Variants in FLNC observed in about 807,000 individuals in gnomAD.
FLNC encodes the protein filamin-C.
Under a neutral mutation model 254.3 loss-of-function variants are expected in FLNC, and 91 were observed. The ratio of observed to expected loss-of-function variants is 0.36; its 90% confidence interval spans 0.30 to 0.43. The LOEUF is 0.43. Among genes scored for constraint, FLNC ranks in the 20% least tolerant of loss-of-function variants. The pLI, the probability that FLNC is intolerant of heterozygous loss-of-function variation, is 1.00. For missense variants in FLNC, 2,853 were observed against 3,802.6 expected (o/e 0.75, Z 6.57); for synonymous variants, 1,430 against 1,577.2 (o/e 0.91, Z 2.21).
Position 128,849,548 on chromosome 7 carries a change from G to A in FLNC, c.5169G>A (p.Glu1723=), listed in dbSNP as rs1386127990. 6.2e-7 allele frequency: 1 copy of A among 1,613,994 alleles called. No individual in the cohort carries two copies. Among genetic ancestry groups the A allele is most frequent in the Non-Finnish European group, 8.5e-7 (1 of 1,180,038 alleles). The change falls in exon 30 of 48, where the codon GAG becomes GAA. Residue 1723 remains glutamate, a synonymous_variant. Coordinates refer to ENST00000325888, the MANE Select transcript of FLNC (RefSeq NM_001458.5). The stretch of plus-strand genomic sequence containing the variant: ...TCATCACCATCCGCTTCGGGGGTGA[G>A]CACATCCCCAACAGCCCCTTCCACG... ...KYVITIRFGG[E]HIPNSPFHVL... is the part of the protein sequence containing the mutation.
chr7:128,840,647 C>A lies in FLNC; in HGVS notation c.1649C>A (p.Thr550Lys), dbSNP rs779802575. 6.2e-7 allele frequency: 1 copy of A among 1,614,202 alleles called. No individual in the cohort carries two copies. Among genetic ancestry groups the A allele is most frequent in the Admixed American group, 1.7e-5 (1 of 60,030 alleles). Residue 550 changes from threonine (T) to lysine (K), a missense_variant, in exon 10 of 48, where the codon ACG (threonine) becomes AAG (lysine). Physicochemically the swap from Thr to Lys is moderately conservative, Grantham distance 78. Around this residue, in one of 10 missense-constraint regions of FLNC, gnomAD observed 1,573 missense variants for 1,883.5 expected, o/e 0.84. Coordinates refer to ENST00000325888, the MANE Select transcript of FLNC (RefSeq NM_001458.5). The stretch of plus-strand genomic sequence containing the variant: ...CCTGGGAAGTATGTGGTGACCATCA[C>A]GTGGGGCGGCTACGCCATCCCTCGC... ...VVPGKYVVTI[T>K]WGGYAIPRSP...
rs760318519 is a variant in FLNC at position 128,830,674 on chromosome 7, G to A, written c.37G>A (p.Gly13Ser). Residue 13 changes from glycine (G) to serine (S), a missense_variant, in exon 1 of 48, where the codon GGC becomes AGC. Around this residue, in one of 10 missense-constraint regions of FLNC, gnomAD observed 37 missense variants for 32.7 expected, o/e 1.13. Transcript: ENST00000325888. The stretch of plus-strand genomic sequence containing the variant: ...CAGCGGCTACTCAGACGCCGGCCTC[G>A]GCCTGGGCGATGAGACAGACGAGAT... The part of the protein sequence containing the change: ...NNSGYSDAGL[G>S]LGDETDEMPS... 1 of 1,612,654 alleles carries A rather than the reference G, an allele frequency of 6.2e-7. No individual in the cohort carries two copies.
In FLNC at chr7:128,841,508, G is replaced by C. The variant is rs774194364; in HGVS notation, c.2062G>C (p.Ala688Pro). The change falls in exon 13 of 48, where the codon GCT becomes CCT. Residue 688 changes from alanine to proline, a missense_variant. Ala to Pro is a conservative substitution (Grantham distance 27, BLOSUM62 -1). This residue lies in a region of FLNC where 1,573 missense variants were observed against 1,883.5 expected (regional missense o/e 0.84). Transcript: ENST00000325888. This position sits in a 1 kb window ranked among gnomAD's most constrained non-coding sequence, Gnocchi z 4.3. The stretch of plus-strand genomic sequence containing the variant: ...TACCGGCTGCATCGTGGACAAGCCC[G>C]CTGAGTTCACCATTGATGCTCGTGC... ...EPTGCIVDKP[A>P]EFTIDARAAG... The C allele has an allele frequency of 1.2e-6, 2 of 1,614,010 alleles. No homozygotes were observed. The highest frequency in any genetic ancestry group is 2.7e-5 in the African/African-American group (2 of 74,950).
rs552663569 is a variant in FLNC, at chr7:128,838,320, C to T, written c.1101C>T (p.Asn367=). 6 of 1,613,996 alleles carry T rather than the reference C, an allele frequency of 3.7e-6. No individual in the cohort carries two copies. Among genetic ancestry groups the T allele is most frequent in the South Asian group, 2.2e-5 (2 of 91,082 alleles). ...QNIERSPFEV[N]VGMALGDANK... ...TTGAACGCAGTCCCTTTGAGGTGAA[C>T]GTGGGCATGGCCCTGGGAGATGCCA... is the stretch of plus-strand genomic sequence containing the variant. The change falls in exon 7 of 48, where the codon AAC becomes AAT. Residue 367 remains asparagine, a synonymous_variant. Coordinates refer to ENST00000325888, the MANE Select transcript of FLNC (RefSeq NM_001458.5).
chr7:128,849,081 G>T, intron 28 of FLNC, 99 bp downstream of exon 28: 1 of 1,588,670 alleles, frequency 6.3e-7, no homozygotes, highest in East Asian at 2.2e-5. Context: ...TGGTCGGAGA[G>T]CACACATGCC....
At position 128,852,709 on chromosome 7, in the gene FLNC, C is replaced by T. The variant is rs747515045; in HGVS notation, c.5961C>T (p.Asn1987=). ...CCAGCATCCGTGCCCCCTCGGGCAACGAGGAGCCCTGCCTGCTGAAGCGCC... is the reference window on the plus strand; with the variant it reads ...CCAGCATCCGTGCCCCCTCGGGCAATGAGGAGCCCTGCCTGCTGAAGCGCC... ...LTASIRAPSG[N]EEPCLLKRLP... The change falls in exon 36 of 48, where the codon AAC becomes AAT. Residue 1987 remains asparagine (N), a synonymous_variant. Transcript: ENST00000325888. 25 of 1,613,118 alleles carry T rather than the reference C, an allele frequency of 1.5e-5. No individual in the cohort carries two copies. The highest frequency in any genetic ancestry group is 2.7e-5 in the African/African-American group (2 of 74,928).
intron 1 of FLNC, among the ~76,000 whole-genome samples, chr7:128,833,301 C>T (rs1002269359): frequency 6.6e-6 from 1 of 152,234 alleles, no homozygotes; most frequent in Admixed American, 6.5e-5. Flanking sequence ...AGGCCCAGCC[C>T]TCTCCTCCCC....
At chr7:128,843,707 G>A (rs1198070401) in intron 18 of FLNC, 89 bp from the exon 19 acceptor site, 2 of 1,494,694 alleles carry the variant, frequency 1.3e-6, no homozygotes, top group East Asian at 4.5e-5. Context: ...CTCTCATGGT[G>A]GATCTGAGCT....
intron 35 of FLNC, 98 bp from the exon 36 acceptor site, chr7:128,852,493 T>C: frequency 7.1e-7 from 1 of 1,407,978 alleles, no homozygotes; most frequent in Non-Finnish European, 1.0e-6. Flanking sequence ...CCCGTGTCTG[T>C]TGAGTCCAGG....
In FLNC at chr7:128,849,499, C is replaced by T; in HGVS notation, c.5120C>T (p.Thr1707Ile). Residue 1707 changes from threonine to isoleucine, a missense_variant, in exon 30 of 48, where the codon ACA (threonine) becomes ATA (isoleucine). Thr to Ile is a moderately conservative substitution (Grantham distance 89, BLOSUM62 -1). Around this residue, in one of 10 missense-constraint regions of FLNC, gnomAD observed 258 missense variants for 312.3 expected, o/e 0.83. Transcript: ENST00000325888. Reference protein sequence around the residue: ...NHDGTFDIYYTAPEPGKYVIT... With the variant: ...NHDGTFDIYYIAPEPGKYVIT... ...GACGGTACCTTTGACATCTACTACA[C>T]AGCGCCCGAGCCGGGCAAGTACGTC... The T allele has an allele frequency of 2.5e-6, 4 of 1,614,222 alleles. No individual in the cohort carries two copies. Among genetic ancestry groups the T allele is most frequent in the Non-Finnish European group, 3.4e-6 (4 of 1,180,032 alleles).
Position 128,841,491 on chromosome 7 carries a change from G to A in FLNC, c.2045G>A (p.Cys682Tyr), listed in dbSNP as rs756904288. The A allele has an allele frequency of 1.2e-6, 2 of 1,614,180 alleles. No individual in the cohort carries two copies. The highest frequency in any genetic ancestry group is 2.2e-5 in the East Asian group (1 of 44,888). The change falls in exon 13 of 48, where the codon TGC (cysteine) becomes TAC (tyrosine). Residue 682 changes from cysteine (C) to tyrosine (Y), a missense_variant. Cys to Tyr is a radical substitution (Grantham distance 194). This residue lies in a region of FLNC where 1,573 missense variants were observed against 1,883.5 expected (regional missense o/e 0.84). Transcript: ENST00000325888. The surrounding 1 kb of genome is among the most constrained non-coding windows in gnomAD (Gnocchi z 4.3). ...AFGPGLEPTG[C>Y]IVDKPAEFTI... ...GGGCCTGGCCTGGAGCCTACCGGCTGCATCGTGGACAAGCCCGCTGAGTTC... is the reference window on the plus strand; with the variant it reads ...GGGCCTGGCCTGGAGCCTACCGGCTACATCGTGGACAAGCCCGCTGAGTTC...
chr7:128,845,083 C>T lies in FLNC; in HGVS notation c.3618C>T (p.Asn1206=), dbSNP rs1039623010. The part of the protein sequence containing the change: ...AGVKAEVLIH[N]NADGTYHITY... ...TCAAGGCCGAGGTGCTGATCCACAA[C>T]AACGCGGATGGCACCTACCACATCA... is the stretch of plus-strand genomic sequence containing the variant. The change falls in exon 21 of 48, where the codon AAC becomes AAT. Residue 1206 remains asparagine, a synonymous_variant. Transcript: ENST00000325888. 1 of 1,613,908 alleles carries T rather than the reference C, an allele frequency of 6.2e-7. No individual in the cohort carries two copies. Among genetic ancestry groups the T allele is most frequent in the African/African-American group, 1.3e-5 (1 of 75,036 alleles).
Position 128,836,724 on chromosome 7 carries a change from G to A in FLNC, c.602-436G>A, listed in dbSNP as rs1053180724. On this transcript the variant is annotated intron_variant, in intron 2 of 47. Transcript: ENST00000325888. This position sits in a 1 kb window ranked among gnomAD's most constrained non-coding sequence, Gnocchi z 6.0. ...AAAGCGTTTGGAGTTCTAGAGCTTCGGGGCAGCTGTGAGGAGGCCTTCTAG... is the reference window on the plus strand; with the variant it reads ...AAAGCGTTTGGAGTTCTAGAGCTTCAGGGCAGCTGTGAGGAGGCCTTCTAG... 3.3e-5 allele frequency among the ~76,000 whole-genome samples: 5 copies of A among 152,166 alleles called. No individual in the cohort carries two copies. Among genetic ancestry groups the A allele is most frequent in the African/African-American group, 9.7e-5 (4 of 41,424 alleles).
rs1210929657 is a variant in FLNC, at chr7:128,837,500, G to A, written c.802G>A (p.Val268Ile). The A allele has an allele frequency of 7.4e-6, 12 of 1,614,206 alleles. No individual in the cohort carries two copies. The South Asian group carries it at 1.3e-4, about 18-fold the overall frequency. ...PKAKLKPGAP[V>I]RSKQLNPKKA... ...GGCCAAGCTCAAACCTGGTGCCCCT[G>A]TTCGATCCAAGCAGCTGAACCCCAA... The change falls in exon 4 of 48, where the codon GTT becomes ATT. Residue 268 changes from valine (V) to isoleucine (I), a missense_variant. By Grantham distance (29) the Val-to-Ile change is conservative. Transcript: ENST00000325888.
rs576048893 is a variant in FLNC, at chr7:128,835,099, C to G, written c.353-227C>G. Among the ~76,000 whole-genome samples, 1 of 152,146 alleles carries G rather than the reference C, an allele frequency of 6.6e-6. No individual in the cohort carries two copies. The highest frequency in any genetic ancestry group is 1.5e-5 in the Non-Finnish European group (1 of 68,038). On this transcript the variant is annotated intron_variant, in intron 1 of 47. Transcript: ENST00000325888. This position sits in a 1 kb window ranked among gnomAD's most constrained non-coding sequence, Gnocchi z 5.3. ...ACTTGCTGTAGCTGAGGTGAGGGTA[C>G]CTTCCAGAACCACAGGAACACAGAG...
rs745858001 is a variant in FLNC, at chr7:128,854,495, G to A, written c.6810G>A (p.Glu2270=). 2.4e-5 allele frequency: 38 copies of A among 1,606,038 alleles called. No individual in the cohort carries two copies. The Admixed American group carries it at 5.6e-4, about 24-fold the overall frequency. ...AAGCCGCAGAGATCGTCGAGGGCGA[G>A]GACAGCGCCTACAGCGTGCGCTTTG... ...KVEAAEIVEG[E]DSAYSVRFVP... is the part of the protein sequence containing the mutation. The change falls in exon 41 of 48, where the codon GAG becomes GAA. Residue 2270 remains glutamate, a synonymous_variant. Transcript: ENST00000325888.
At position 128,841,135 on chromosome 7, in the gene FLNC, T is replaced by C; in HGVS notation, c.1814-35T>C. 1 of 1,608,728 alleles carries C rather than the reference T, an allele frequency of 6.2e-7. No homozygotes were observed. The highest frequency in any genetic ancestry group is 1.1e-5 in the South Asian group (1 of 90,706). ...TGGGGGACGGAAGGGTCTTGCCTGA[T>C]GCTGGATCCCCGACCCTCCCCCACC... is the stretch of plus-strand genomic sequence containing the variant. On this transcript the variant is annotated intron_variant, in intron 11 of 47. Coordinates refer to ENST00000325888, the MANE Select transcript of FLNC (RefSeq NM_001458.5). This position sits in a 1 kb window ranked among gnomAD's most constrained non-coding sequence, Gnocchi z 4.3.
chr7:128,853,861 T>A, intron 39 of FLNC, 24 bp downstream of exon 39: 1 of 1,612,938 alleles, frequency 6.2e-7, no homozygotes, highest in Non-Finnish European at 8.5e-7. Flanking sequence ...GGACCCTGGG[T>A]GGGGCGGGTG....
intron 20 of FLNC, 122 bp downstream of exon 20, chr7:128,844,388 G>T: frequency 3.1e-6 from 4 of 1,273,350 alleles, no homozygotes; most frequent in Non-Finnish European, 4.2e-6. Context: ...AAGGGTGTGG[G>T]GCTGAGGCCA....
Sources: allele counts gnomAD v4.1 joint callset (sites outside exome capture counted in the v4.1 genomes callset), GRCh38; gene constraint gnomAD v4.1.1; regional missense constraint gnomAD v4.1.1; non-coding constraint Gnocchi (gnomAD v3.1); transcripts MANE v1.5; gene names NCBI Gene and HGNC (gene_info 2026-07-23, HGNC 2026-07-21).